Variants in OCA2 observed in about 807,000 individuals in gnomAD.
OCA2 encodes the protein OCA2 melanosomal transmembrane protein, also known as P protein.
Under a neutral mutation model 100.2 loss-of-function variants are expected in OCA2, and 77 were observed. The observed-to-expected ratio is 0.77, with a 90% CI of 0.64 to 0.93. The LOEUF is 0.93. OCA2 is among the 40% of genes least tolerant of loss of function. The probability of loss-of-function intolerance (pLI) is 0.00; values close to 1 mark genes in which losing one functional copy is unlikely to be tolerated. For synonymous variants in OCA2, 432 were observed against 439.2 expected, an observed-to-expected ratio of 0.98 and a Z score of 0.21; for missense variants, 1,062 against 1,089.1, an observed-to-expected ratio of 0.98 and a Z score of 0.35.
intron 9 of OCA2, among the ~76,000 whole-genome samples, chr15:28,003,007 C>A (rs190604640): frequency 6.6e-6 from 1 of 152,344 alleles, no homozygotes; most frequent in Non-Finnish European, 1.5e-5. Context: ...AGTCCTCCAG[C>A]ATCCGAAACC....
the OCA2 span, among the ~76,000 whole-genome samples, chr15:27,726,276 C>T: frequency 4.0e-5 from 6 of 150,730 alleles, no homozygotes; most frequent in Non-Finnish European, 5.9e-5. Context: ...CTAGCCTGGG[C>T]GACAGAGCGA....
At chr15:27,748,306 T>C in the OCA2 span, among the ~76,000 whole-genome samples, 3 of 152,240 alleles carry the variant, frequency 2.0e-5, no homozygotes, top group South Asian at 2.1e-4. Context: ...CACTGCTCCA[T>C]AGTTGGGGGA....
intron 22 of OCA2, among the ~76,000 whole-genome samples, chr15:27,847,499 G>A (rs537392366): frequency 6.6e-6 from 1 of 152,308 alleles, no homozygotes; most frequent in African/African-American, 2.4e-5. Context: ...AATGAGACAA[G>A]CAAGGCTGAT....
intron 20 of OCA2, 140 bp from the exon 21 acceptor site, chr15:27,871,398 C>T: frequency 1.4e-6 from 1 of 710,686 alleles, no homozygotes; most frequent in East Asian, 2.7e-5. Flanking sequence ...CATAGGTGTG[C>T]AAGCCAGGGC....
chr15:27,909,572 T>C (rs1182509919), intron 19 of OCA2, among the ~76,000 whole-genome samples: 1 of 152,170 alleles, frequency 6.6e-6, no homozygotes, highest in Non-Finnish European at 1.5e-5. Flanking sequence ...TGTAATATAA[T>C]AGGAAGTTCA....
intron 19 of OCA2, among the ~76,000 whole-genome samples, chr15:27,911,269 AAT>A (rs2038384786): frequency 6.6e-6 from 1 of 151,906 alleles, no homozygotes; most frequent in Non-Finnish European, 1.5e-5. Flanking sequence ...AAAATACAAA[AAT>A]TAGCCAGGTG....
chr15:27,947,610 G>T (rs887848800), intron 18 of OCA2, among the ~76,000 whole-genome samples: 2 of 152,222 alleles, frequency 1.3e-5, no homozygotes, highest in African/African-American at 2.4e-5. Context: ...GGGTGCGGTC[G>T]CATGGCCTCG....
chr15:27,736,418 G>A, the OCA2 span, among the ~76,000 whole-genome samples: 1 of 152,256 alleles, frequency 6.6e-6, no homozygotes, highest in African/African-American at 2.4e-5. Context: ...GTTTATTTGT[G>A]GACTCTAAGG....
At chr15:27,959,856 G>T (rs986008768) in intron 15 of OCA2, among the ~76,000 whole-genome samples, 2 of 152,186 alleles carry the variant, frequency 1.3e-5, no homozygotes, top group Non-Finnish European at 2.9e-5. Flanking sequence ...ATCAACCCAC[G>T]CATTAATACT....
At chr15:27,783,601 A>ACAC (rs2032656025) in intron 23 of OCA2, among the ~76,000 whole-genome samples, 1 of 152,214 alleles carries the variant, frequency 6.6e-6, no homozygotes, top group Non-Finnish European at 1.5e-5. Flanking sequence ...GATACCCCAG[A>ACAC]CACCACTATG....
intron 1 of OCA2, among the ~76,000 whole-genome samples, chr15:28,097,351 C>A (rs1002910178): frequency 2.0e-5 from 3 of 152,242 alleles, no homozygotes; most frequent in African/African-American, 7.2e-5. Context: ...AACCCAACAA[C>A]CAGCGAGTGA....
At chr15:28,060,258 G>C (rs2043831391) in intron 2 of OCA2, among the ~76,000 whole-genome samples, 1 of 152,214 alleles carries the variant, frequency 6.6e-6, no homozygotes, top group African/African-American at 2.4e-5. Context: ...GCTCCAGCAA[G>C]GCCTGCACGC....
At position 27,886,790 on chromosome 15, in the gene OCA2, C is replaced by T. The variant is rs1244405090; in HGVS notation, c.2080-14868G>A. 2.0e-5 allele frequency among the ~76,000 whole-genome samples: 3 copies of T among 152,168 alleles called. No homozygotes were observed. In the East Asian group the frequency reaches 5.8e-4, roughly 29 times the overall value. On this transcript the variant is annotated intron_variant, in intron 19 of 23. Coordinates refer to ENST00000354638, the MANE Select transcript of OCA2 (RefSeq NM_000275.3). ...AATGATATAGACCCCAAACTCCCTG[C>T]TTACTCCTGCCAAGCACACCTATAA... is the stretch of plus-strand genomic sequence containing the variant.
intron 23 of OCA2, among the ~76,000 whole-genome samples, chr15:27,801,319 C>T (rs1424321353): frequency 2.6e-5 from 4 of 152,000 alleles, no homozygotes; most frequent in African/African-American, 4.8e-5. Flanking sequence ...TTTGGGAGGC[C>T]AAGGTGGGCA....
Position 27,989,601 on chromosome 15 carries a change from C to T in OCA2, c.1182G>A (p.Met394Ile), listed in dbSNP as rs121918171. The change falls in exon 11 of 24, where the codon ATG becomes ATA. Residue 394 changes from methionine to isoleucine, a missense_variant and splice_region_variant. Coordinates refer to ENST00000354638, the MANE Select transcript of OCA2 (RefSeq NM_000275.3). ...GTCCCACGGGGAGAGCTGTAATTAC[C>T]ATGCCAAACAGCAGGGCCAGCGTCT... ...DFETLALLFG[M>I]MILVAIFSET... 2.5e-6 allele frequency: 4 copies of T among 1,613,860 alleles called. No individual in the cohort carries two copies. In the East Asian group the frequency reaches 8.9e-5, roughly 36 times the overall value.
intron 19 of OCA2, among the ~76,000 whole-genome samples, chr15:27,888,979 C>T (rs2037344950): frequency 6.6e-6 from 1 of 152,102 alleles, no homozygotes; most frequent in Non-Finnish European, 1.5e-5. Context: ...GATTAGGTTA[C>T]TGTGGAAGCT....
chr15:27,765,658 T>C (rs1485766469), intron 23 of OCA2, among the ~76,000 whole-genome samples: 1 of 152,190 alleles, frequency 6.6e-6, no homozygotes, highest in African/African-American at 2.4e-5. Context: ...TCTGGAGATA[T>C]TTACCAGACC....
rs1465583493 is a variant in OCA2 at position 27,800,062 on chromosome 15, T to C, written c.2433-44590A>G. On this transcript the variant is annotated intron_variant, in intron 23 of 23. Transcript: ENST00000354638. ...TAATAGCAGAAAAATCCCTGGACAA[T>C]GCCCAAATATTTGGAAAGTAAATAA... 3.3e-5 allele frequency among the ~76,000 whole-genome samples: 5 copies of C among 152,276 alleles called. No individual in the cohort carries two copies. In the East Asian group the frequency reaches 9.6e-4, roughly 29 times the overall value.
chr15:27,814,853 A>T (rs1214364615), intron 23 of OCA2, among the ~76,000 whole-genome samples: 3 of 152,026 alleles, frequency 2.0e-5, no homozygotes, highest in Non-Finnish European at 4.4e-5. Flanking sequence ...GCTACACTCC[A>T]GCCTGGGCAA....
Sources: gnomAD v4.1 joint callset for allele counts (sites outside exome capture counted in the v4.1 genomes callset) on GRCh38, gnomAD v4.1.1 for gene constraint, MANE v1.5 for transcripts, NCBI Gene and HGNC (gene_info 2026-07-23, HGNC 2026-07-21) for gene names.